Variants in LHFPL3 observed in about 807,000 individuals in gnomAD.
The protein encoded by LHFPL3 is LHFPL tetraspan subfamily member 3 protein.
In LHFPL3, 5 loss-of-function variants were observed where a neutral mutation model predicts 19.3. The observed-to-expected ratio is 0.26, with a 90% CI of 0.14 to 0.54. LHFPL3 has a LOEUF of 0.54. Among genes scored for constraint, LHFPL3 ranks in the 20% least tolerant of loss-of-function variants. The probability of loss-of-function intolerance (pLI) is 0.94; values close to 1 mark genes in which losing one functional copy is unlikely to be tolerated. For missense variants in LHFPL3, 249 were observed against 307.4 expected, an observed-to-expected ratio of 0.81 and a Z score of 1.42; for synonymous variants, 133 against 126.2, an observed-to-expected ratio of 1.05 and a Z score of -0.36.
intron 2 of LHFPL3, among the ~76,000 whole-genome samples, chr7:104,758,927 T>G (rs1794330560): frequency 6.6e-6 from 1 of 152,200 alleles, no homozygotes; most frequent in East Asian, 1.9e-4. Flanking sequence ...TGTGTTGTCT[T>G]GAATAATTTA....
At chr7:104,591,523 C>G (rs995241110) in intron 1 of LHFPL3, among the ~76,000 whole-genome samples, 2 of 152,168 alleles carry the variant, frequency 1.3e-5, no homozygotes, top group African/African-American at 4.8e-5. Context: ...GGTAACCCGA[C>G]CTTTCTCTCT....
At chr7:104,392,330 G>A (rs1412131072) in intron 1 of LHFPL3, among the ~76,000 whole-genome samples, 9 of 149,980 alleles carry the variant, frequency 6.0e-5, no homozygotes, top group Admixed American at 2.7e-4. Flanking sequence ...GTTTGTCATA[G>A]ATAGCTCTTA....
chr7:104,479,849 C>G (rs145057564), intron 1 of LHFPL3, among the ~76,000 whole-genome samples: 126 of 152,336 alleles, frequency 8.3e-4, no homozygotes, highest in East Asian at 5.4e-3. Context: ...GCGTACCACA[C>G]ACATATTAAT....
At chr7:104,365,787 C>CAAAAAAAATAAATAAATAAAATAA (rs1554381841) in intron 1 of LHFPL3, among the ~76,000 whole-genome samples, 1 of 49,974 alleles carries the variant, frequency 2.0e-5, no homozygotes, top group Non-Finnish European at 3.8e-5. Flanking sequence ...GACTCCGTCT[C>CAAAAAAAATAAATAAATAAAATAA]AAAAAAAAAA....
At chr7:104,584,373 G>A (rs1374820146) in intron 1 of LHFPL3, among the ~76,000 whole-genome samples, 1 of 151,984 alleles carries the variant, frequency 6.6e-6, no homozygotes, top group Non-Finnish European at 1.5e-5. Flanking sequence ...ACGACTTAAT[G>A]GGTGCAGCAC....
At chr7:104,681,961 T>A (rs117292642) in intron 1 of LHFPL3, among the ~76,000 whole-genome samples, 3,594 of 152,298 alleles carry the variant, frequency 0.024, 94 homozygotes, top group Non-Finnish European at 0.038. Context: ...GATTTGGAGA[T>A]ACTGTGTACA....
chr7:104,694,200 G>A (rs12534285), intron 1 of LHFPL3, among the ~76,000 whole-genome samples: 79,146 of 152,026 alleles, frequency 0.52, 20,885 homozygotes, highest in East Asian at 0.59. Context: ...CATTCACAAT[G>A]CAGAAAATAT....
intron 2 of LHFPL3, among the ~76,000 whole-genome samples, chr7:104,883,133 A>C (rs1792087006): frequency 6.6e-6 from 1 of 152,264 alleles, no homozygotes; most frequent in South Asian, 2.1e-4. Context: ...AGCTAGAATT[A>C]AGAGAAAAAG....
At chr7:104,408,313 C>T (rs1341073006) in intron 1 of LHFPL3, among the ~76,000 whole-genome samples, 2 of 151,918 alleles carry the variant, frequency 1.3e-5, no homozygotes, top group East Asian at 3.8e-4. Context: ...TCAATTTTAA[C>T]CAATAGCAAG....
chr7:104,350,754 CTT>C (rs1348977638), intron 1 of LHFPL3, among the ~76,000 whole-genome samples: 1 of 152,116 alleles, frequency 6.6e-6, no homozygotes, highest in African/African-American at 2.4e-5. Context: ...GAAAAGGTCT[CTT>C]TGGCCGAGCA....
At chr7:104,666,374 A>G (rs1357062055) in intron 1 of LHFPL3, among the ~76,000 whole-genome samples, 2 of 151,708 alleles carry the variant, frequency 1.3e-5, no homozygotes, top group Non-Finnish European at 2.9e-5. Flanking sequence ...TCCACTCTCT[A>G]TCTCTATGAG....
intron 2 of LHFPL3, among the ~76,000 whole-genome samples, chr7:104,794,889 T>C (rs1056985563): frequency 1.3e-5 from 2 of 152,240 alleles, no homozygotes; most frequent in African/African-American, 4.8e-5. Flanking sequence ...GAAAATGAGC[T>C]ATACTTATCT....
At chr7:104,567,270 G>T (rs948001513) in intron 1 of LHFPL3, among the ~76,000 whole-genome samples, 2 of 152,156 alleles carry the variant, frequency 1.3e-5, no homozygotes, top group South Asian at 2.1e-4. Context: ...AAGAACACAT[G>T]TGCCATGGGG....
chr7:104,777,475 T>G (rs1794652904), intron 2 of LHFPL3, among the ~76,000 whole-genome samples: 1 of 152,252 alleles, frequency 6.6e-6, no homozygotes, highest in Non-Finnish European at 1.5e-5. Flanking sequence ...CAGGCAATGC[T>G]GTCAGCCCAG....
chr7:104,398,733 A>G (rs1005950352), intron 1 of LHFPL3, among the ~76,000 whole-genome samples: 1 of 152,182 alleles, frequency 6.6e-6, no homozygotes, highest in Non-Finnish European at 1.5e-5. Flanking sequence ...ATGGTTTAGC[A>G]GTTCTGAGCT....
intron 1 of LHFPL3, among the ~76,000 whole-genome samples, chr7:104,709,761 G>T (rs1793262206): frequency 6.6e-6 from 1 of 152,138 alleles, no homozygotes; most frequent in African/African-American, 2.4e-5. Flanking sequence ...CTCCCAGACG[G>T]GGTGGCGGCC....
rs367850228 is a variant in LHFPL3 at position 104,365,202 on chromosome 7, G to A, written c.445+35978G>A. The stretch of plus-strand genomic sequence containing the variant: ...TAATCCCAGCTATTCTAGAGGCTGA[G>A]GCAGGAGAATTGCTTGAACCTGAGA... On this transcript the variant is annotated intron_variant, in intron 1 of 2. Coordinates refer to ENST00000424859, the MANE Select transcript of LHFPL3 (RefSeq NM_199000.3). 3.9e-4 allele frequency among the ~76,000 whole-genome samples: 59 copies of A among 152,264 alleles called. No individual in the cohort carries two copies. The East Asian group carries it at 0.011, about 29-fold the overall frequency.
chr7:104,463,597 G>T (rs1215125553), intron 1 of LHFPL3, among the ~76,000 whole-genome samples: 1 of 152,198 alleles, frequency 6.6e-6, no homozygotes, highest in African/African-American at 2.4e-5. Flanking sequence ...GAAACTTACA[G>T]TCATGGCAGA....
intron 2 of LHFPL3, among the ~76,000 whole-genome samples, chr7:104,772,746 A>T (rs142886847): frequency 6.6e-6 from 1 of 152,352 alleles, no homozygotes; most frequent in Non-Finnish European, 1.5e-5. Context: ...TGTAAATGCC[A>T]GCCTCCATCC....
Sources: allele counts gnomAD v4.1 joint callset (sites outside exome capture counted in the v4.1 genomes callset), GRCh38; gene constraint gnomAD v4.1.1; transcripts MANE v1.5; gene names NCBI Gene and HGNC (gene_info 2026-07-23, HGNC 2026-07-21).